Variants in NFIA observed in about 807,000 individuals in gnomAD.
NFIA encodes nuclear factor I A.
In NFIA, 8 loss-of-function variants were observed where a neutral mutation model predicts 62.8. The ratio of observed to expected loss-of-function variants is 0.13; its 90% CI spans 0.07 to 0.23. The LOEUF (loss-of-function observed/expected upper bound fraction) is 0.23, where lower values mean the gene tolerates loss of function less well. Among genes scored for constraint, NFIA ranks in the 10% least tolerant of loss-of-function variants. The pLI is 1.00. For missense variants in NFIA, 410 were observed against 642.1 expected (o/e 0.64, Z 3.91); for synonymous variants, 235 against 238.1 (o/e 0.99, Z 0.12).
chr1:61,454,544 A>G (rs1668217458), intron 10 of NFIA, among the ~76,000 whole-genome samples: 1 of 152,232 alleles, frequency 6.6e-6, no homozygotes, highest in Non-Finnish European at 1.5e-5. Flanking sequence ...CCTTTGGACA[A>G]TGTGGTACTT....
At chr1:61,400,560 A>G (rs1222882234) in intron 7 of NFIA, among the ~76,000 whole-genome samples, 2 of 152,138 alleles carry the variant, frequency 1.3e-5, no homozygotes, top group Non-Finnish European at 2.9e-5. Flanking sequence ...GCCTTTATTG[A>G]CTCTCAAGTA....
intron 2 of NFIA, among the ~76,000 whole-genome samples, chr1:61,221,741 G>A (rs1002128180): frequency 7.2e-5 from 11 of 152,058 alleles, no homozygotes; most frequent in African/African-American, 1.2e-4. Flanking sequence ...TAAGAGTGGC[G>A]TACAGTTAAT....
At chr1:61,264,937 TTGAG>T (rs2100248635) in intron 2 of NFIA, among the ~76,000 whole-genome samples, 1 of 152,280 alleles carries the variant, frequency 6.6e-6, no homozygotes, top group East Asian at 1.9e-4. Flanking sequence ...TGAGCTGGGT[TTGAG>T]TGGGTGGGAC....
chr1:61,183,772 C>T (rs1018928914), intron 2 of NFIA, among the ~76,000 whole-genome samples: 5 of 152,156 alleles, frequency 3.3e-5, no homozygotes, highest in Non-Finnish European at 7.3e-5. Context: ...GAGAGACCTC[C>T]GTGCCTTTTA....
At chr1:61,081,687 T>C (rs1646097265), upstream of NFIA, 1 of 550,750 alleles carries the variant, frequency 1.8e-6, no homozygotes, top group Non-Finnish European at 3.2e-6. Context: ...ATCTCCGCCT[T>C]CTTTTCTCCA....
At chr1:61,156,136 A>G (rs2100528904) in intron 2 of NFIA, among the ~76,000 whole-genome samples, 1 of 152,344 alleles carries the variant, frequency 6.6e-6, no homozygotes, top group South Asian at 2.1e-4. Context: ...TGTCTCCAAA[A>G]TAAAAAGAAT....
chr1:61,363,144 A>G (rs1663390199), intron 6 of NFIA, among the ~76,000 whole-genome samples: 1 of 152,248 alleles, frequency 6.6e-6, no homozygotes, highest in Non-Finnish European at 1.5e-5. Context: ...AGGTCAAGTG[A>G]CTTGCCCAAG....
chr1:61,433,047 T>C lies in NFIA; in HGVS notation c.1512+6491T>C, dbSNP rs116357536. ...AACTTCTGTTTTTCACAAATACTTATCTGCATCCCCAGTTGTTTGTAGTGA... is the reference window on the plus strand; with the variant it reads ...AACTTCTGTTTTTCACAAATACTTACCTGCATCCCCAGTTGTTTGTAGTGA... On this transcript the variant is annotated intron_variant, in intron 10 of 10. Coordinates refer to ENST00000403491, the MANE Select transcript of NFIA (RefSeq NM_001134673.4). Among the ~76,000 whole-genome samples, 744 of 152,340 alleles carry C rather than the reference T, an allele frequency of 4.9e-3. 6 individuals are homozygous for C. The highest frequency in any genetic ancestry group is 0.017 in the African/African-American group (702 of 41,572).
chr1:61,283,581 C>CAA lies in NFIA; in HGVS notation c.625+6022_625+6023dup, dbSNP rs576613886. On this transcript the variant is annotated intron_variant, in intron 3 of 10. Coordinates refer to ENST00000403491, the MANE Select transcript of NFIA (RefSeq NM_001134673.4). ...TGGGTGACAGAACGAGACTCTGTCT[C>CAA]AAAAAAAAAAAAAAAAAAAAAAAAA... Among the ~76,000 whole-genome samples the CAA allele has an allele frequency of 1.7e-3, 61 of 36,674 alleles. 4 individuals are homozygous for CAA. The highest frequency in any genetic ancestry group is 4.6e-3 in the African/African-American group (53 of 11,604). The allele number at this position is 36,674 out of a possible 152,430, so 24.1% of individuals were successfully genotyped here.
intron 9 of NFIA, among the ~76,000 whole-genome samples, chr1:61,417,074 C>T (rs910243998): frequency 2.6e-5 from 4 of 151,828 alleles, no homozygotes; most frequent in East Asian, 1.9e-4. Flanking sequence ...TCATTTGGGT[C>T]GTCATAACCC....
At position 61,205,699 on chromosome 1, in the gene NFIA, A is replaced by G. The variant is rs142789029; in HGVS notation, c.560-71821A>G. On this transcript the variant is annotated intron_variant, in intron 2 of 10. Transcript: ENST00000403491. Reference sequence around the variant, plus strand: ...AAGTCAGAAAGTTGTGAGACTGGGCAGAGTTCAAACACTTGGTTATCCAAC... The same window carrying G: ...AAGTCAGAAAGTTGTGAGACTGGGCGGAGTTCAAACACTTGGTTATCCAAC... Among the ~76,000 whole-genome samples, 561 of 152,242 alleles carry G rather than the reference A, an allele frequency of 3.7e-3. 2 individuals carry two copies. Among genetic ancestry groups the G allele is most frequent in the African/African-American group, 0.013 (531 of 41,544 alleles).
chr1:61,430,884 A>G (rs987295746), intron 10 of NFIA, among the ~76,000 whole-genome samples: 3 of 151,616 alleles, frequency 2.0e-5, no homozygotes, highest in Non-Finnish European at 4.4e-5. Flanking sequence ...CTCCTTCTCC[A>G]TATTGTAACT....
intron 2 of NFIA, among the ~76,000 whole-genome samples, chr1:61,135,346 A>T (rs1647163815): frequency 6.6e-6 from 1 of 152,206 alleles, no homozygotes; most frequent in Admixed American, 6.5e-5. Flanking sequence ...ACTGTAACCT[A>T]CATCTTTAGG....
chr1:61,301,072 A>G lies in NFIA; in HGVS notation c.625+23487A>G, dbSNP rs151287491. Among the ~76,000 whole-genome samples the G allele has an allele frequency of 1.6e-3, 237 of 152,258 alleles. 1 individual carries two copies. The highest frequency in any genetic ancestry group is 5.4e-3 in the African/African-American group (225 of 41,570). On this transcript the variant is annotated intron_variant, in intron 3 of 10. Coordinates refer to ENST00000403491, the MANE Select transcript of NFIA (RefSeq NM_001134673.4). ...ATGTGGTTCTCATTACCCATGAGAA[A>G]ATACATACCAGTTCCTCAAGGGAAG... is the stretch of plus-strand genomic sequence containing the variant.
chr1:61,370,842 C>T (rs374642921), intron 6 of NFIA, among the ~76,000 whole-genome samples: 14 of 152,112 alleles, frequency 9.2e-5, no homozygotes, highest in Admixed American at 7.9e-4. Context: ...CTGTAGGTAT[C>T]GTCTACTTTG....
At chr1:61,379,572 T>C (rs1463745353) in intron 6 of NFIA, among the ~76,000 whole-genome samples, 2 of 151,866 alleles carry the variant, frequency 1.3e-5, no homozygotes, top group Non-Finnish European at 2.9e-5. Context: ...CATGCCCAGC[T>C]AAGTTTTGTA....
intron 2 of NFIA, among the ~76,000 whole-genome samples, chr1:61,175,882 C>G (rs1241224684): frequency 6.6e-6 from 1 of 152,166 alleles, no homozygotes; most frequent in Non-Finnish European, 1.5e-5. Context: ...CATGCCATCA[C>G]GAAGCTCATA....
At chr1:61,303,390 T>C (rs1332318783) in intron 3 of NFIA, among the ~76,000 whole-genome samples, 1 of 152,122 alleles carries the variant, frequency 6.6e-6, no homozygotes, top group Non-Finnish European at 1.5e-5. Context: ...ATCTAGTGCA[T>C]GAGATGATAA....
rs1553120977 is a variant in NFIA, at chr1:61,432,652, T to TAC, written c.1512+6098_1512+6099dup. 6.1e-4 allele frequency among the ~76,000 whole-genome samples: 62 copies of TAC among 101,722 alleles called. No homozygotes were observed. In the East Asian group the frequency reaches 9.9e-3, roughly 16 times the overall value. 66.7% of individuals were successfully genotyped at this position (101,722 alleles called of 152,430 possible). ...ACACACATATATATACACATATATA[T>TAC]ACATATATATACAGAGATATATATA... On this transcript the variant is annotated intron_variant, in intron 10 of 10. Transcript: ENST00000403491.
Sources: allele counts gnomAD v4.1 joint callset (sites outside exome capture counted in the v4.1 genomes callset), GRCh38; gene constraint gnomAD v4.1.1; transcripts MANE v1.5; gene names NCBI Gene and HGNC (gene_info 2026-07-23, HGNC 2026-07-21).